Variants in ASB3 observed in about 807,000 individuals in gnomAD.
ASB3 encodes the protein ankyrin repeat and SOCS box containing 3, also known as ankyrin repeat and SOCS box protein 3.
In ASB3, 41 loss-of-function variants were observed where a neutral mutation model predicts 54.5. The ratio of observed to expected loss-of-function variants is 0.75; its 90% CI spans 0.59 to 0.98. ASB3 has a LOEUF of 0.98. Among genes scored for constraint, ASB3 ranks in the 50% least tolerant of loss-of-function variants. ASB3 has a pLI of 0.00. For synonymous variants in ASB3, 266 were observed against 221.2 expected (o/e 1.20, Z -1.80); for missense variants, 733 against 620.0 (o/e 1.18, Z -1.94).
At chr2:53,675,375 C>T (rs927387433) in intron 9 of ASB3, among the ~76,000 whole-genome samples, 1 of 152,094 alleles carries the variant, frequency 6.6e-6, no homozygotes, top group Middle Eastern at 3.2e-3. Flanking sequence ...AAGATATATA[C>T]TTTAAATAAT....
At chr2:53,695,630 G>A (rs1420863141) in intron 8 of ASB3, among the ~76,000 whole-genome samples, 1 of 151,386 alleles carries the variant, frequency 6.6e-6, no homozygotes, top group African/African-American at 2.5e-5. Context: ...ATATAACGGT[G>A]AGTTTATTTT....
At chr2:53,746,863 T>C (rs1379620182) in intron 3 of ASB3, among the ~76,000 whole-genome samples, 2 of 152,132 alleles carry the variant, frequency 1.3e-5, no homozygotes, top group African/African-American at 4.8e-5. Flanking sequence ...TATTTTGTAT[T>C]AGTCAATACA....
intron 1 of ASB3, among the ~76,000 whole-genome samples, chr2:53,773,087 T>G (rs1303740635): frequency 6.6e-6 from 1 of 152,146 alleles, no homozygotes; most frequent in Non-Finnish European, 1.5e-5. Context: ...AGATAAATAA[T>G]GGTGTGGATT....
At chr2:53,767,683 C>A in intron 1 of ASB3, 1 of 613,578 alleles carries the variant, frequency 1.6e-6, no homozygotes, top group Non-Finnish European at 2.8e-6. Context: ...CTCTTGACAC[C>A]CTAATCAAGG....
chr2:53,743,953 G>GA (rs993725226), intron 3 of ASB3, among the ~76,000 whole-genome samples: 2 of 150,766 alleles, frequency 1.3e-5, no homozygotes, highest in African/African-American at 4.9e-5. Flanking sequence ...TAAGGCACAA[G>GA]AATCCCTTGA....
chr2:53,728,501 T>G (rs376541288), intron 5 of ASB3, among the ~76,000 whole-genome samples: 3 of 152,168 alleles, frequency 2.0e-5, no homozygotes, highest in East Asian at 1.9e-4. Flanking sequence ...ATGTTCCTAC[T>G]CAGATAAATT....
chr2:53,754,089 TG>T (rs1672682009), intron 2 of ASB3, among the ~76,000 whole-genome samples: 2 of 151,814 alleles, frequency 1.3e-5, no homozygotes, highest in East Asian at 3.9e-4. Context: ...AAACAAACAA[TG>T]GGGGCATGCA....
chr2:53,774,692 A>C (rs922590556), intron 1 of ASB3: 3 of 530,034 alleles, frequency 5.7e-6, no homozygotes, highest in Non-Finnish European at 9.3e-6. Flanking sequence ...GTGAAAGAAA[A>C]ATTCAAATTT....
At position 53,716,450 on chromosome 2, in the gene ASB3, TTGG is replaced by T; in HGVS notation, c.782+113_782+115del. ...GGGGTAGATCTGTTCACCCAGCAGATTGGTAGGGAAGAGAATATCAAAGACTTT... is the reference window on the plus strand; with the variant it reads ...GGGGTAGATCTGTTCACCCAGCAGATTAGGGAAGAGAATATCAAAGACTTT... On this transcript the variant is annotated intron_variant, in intron 6 of 9. Coordinates refer to ENST00000263634, the MANE Select transcript of ASB3 (RefSeq NM_016115.5). The T allele has an allele frequency of 7.0e-6, 9 of 1,292,118 alleles. No individual in the cohort carries two copies. In the East Asian group the frequency reaches 1.2e-4, roughly 17 times the overall value. 80.0% of individuals were successfully genotyped at this position (1,292,118 alleles called of 1,614,324 possible).
chr2:53,758,884 G>C (rs1016382991), intron 2 of ASB3, among the ~76,000 whole-genome samples: 1 of 152,100 alleles, frequency 6.6e-6, no homozygotes, highest in Non-Finnish European at 1.5e-5. Context: ...TGGAGAATTC[G>C]GCCCAGAGTG....
intron 1 of ASB3, among the ~76,000 whole-genome samples, chr2:53,766,943 C>T (rs1249051816): frequency 6.6e-6 from 1 of 152,182 alleles, no homozygotes; most frequent in Non-Finnish European, 1.5e-5. Flanking sequence ...TCTGTTTTCA[C>T]ACACAGAGAC....
chr2:53,737,185 T>G (rs1671685962), intron 3 of ASB3, among the ~76,000 whole-genome samples: 1 of 152,128 alleles, frequency 6.6e-6, no homozygotes, highest in Non-Finnish European at 1.5e-5. Context: ...GGCAGACAAC[T>G]GTGATTCCCG....
In ASB3 at chr2:53,729,335, C is replaced by G. The variant is rs991082894; in HGVS notation, c.468+123G>C. ...ATCATTAGCATTTAGACTGCCTTTT[C>G]TGTACTGCACTAACCATCATAAATC... On this transcript the variant is annotated intron_variant, in intron 4 of 9. Coordinates refer to ENST00000263634, the MANE Select transcript of ASB3 (RefSeq NM_016115.5). 3.5e-6 allele frequency: 3 copies of G among 862,286 alleles called. No individual in the cohort carries two copies. The African/African-American group carries it at 5.1e-5, about 15-fold the overall frequency. 53.4% of individuals were successfully genotyped at this position (862,286 alleles called of 1,614,324 possible).
intron 3 of ASB3, among the ~76,000 whole-genome samples, chr2:53,744,379 T>C (rs56321257): frequency 0.072 from 10,371 of 143,560 alleles, 537 homozygotes; most frequent in East Asian, 0.12. Context: ...AGCGAGACTC[T>C]GTCTCAAAAA....
chr2:53,700,622 A>G (rs1456788120), intron 7 of ASB3, 94 bp from the exon 8 acceptor site: 8 of 1,463,042 alleles, frequency 5.5e-6, no homozygotes, highest in Admixed American at 5.0e-5. Flanking sequence ...CAGCTGGGGA[A>G]TAAGTATGGC....
chr2:53,700,658 A>T, intron 7 of ASB3, 130 bp from the exon 8 acceptor site: 1 of 1,289,290 alleles, frequency 7.8e-7, no homozygotes. Context: ...TGGTTTCTAC[A>T]CATCTAGTGG....
chr2:53,728,918 G>GT (rs879165178), intron 4 of ASB3, 71 bp from the exon 5 acceptor site: 34,389 of 1,198,988 alleles, frequency 0.029, no homozygotes, highest in South Asian at 0.039. Context: ...TTCTTACTGT[G>GT]TTTTTTTTTT....
chr2:53,733,199 G>C (rs567205346), intron 3 of ASB3, among the ~76,000 whole-genome samples: 1 of 152,174 alleles, frequency 6.6e-6, no homozygotes, highest in African/African-American at 2.4e-5. Flanking sequence ...AAAAAAGAGT[G>C]CTTCTGCCTT....
chr2:53,704,841 G>A (rs529249518), intron 7 of ASB3, among the ~76,000 whole-genome samples: 2 of 152,264 alleles, frequency 1.3e-5, no homozygotes, highest in African/African-American at 2.4e-5. Context: ...GATTCCCTGT[G>A]CTTCATGTTG....
Sources: gnomAD v4.1 joint callset for allele counts (sites outside exome capture counted in the v4.1 genomes callset) on GRCh38, gnomAD v4.1.1 for gene constraint, MANE v1.5 for transcripts, NCBI Gene and HGNC (gene_info 2026-07-23, HGNC 2026-07-21) for gene names.